The following ZNF197 variants were observed in gnomAD, a reference collection of about 807,000 sequenced individuals.
ZNF197 encodes the protein zinc finger protein 197.
In ZNF197, 14 loss-of-function variants were observed where a neutral mutation model predicts 27.4. That is an observed-to-expected ratio of 0.51 (90% CI 0.34 to 0.80). ZNF197 has a LOEUF of 0.80. ZNF197 is among the 30% of genes least tolerant of loss of function. ZNF197 has a pLI of 0.02. For synonymous variants in ZNF197, 415 were observed against 420.0 expected (o/e 0.99, Z 0.15); for missense variants, 1,090 against 1,222.6 (o/e 0.89, Z 1.62).
chr3:44,647,653 CAAAT>C lies in ZNF197; in HGVS notation c.*3438_*3441del, dbSNP rs1214884335. The C allele has an allele frequency of 3.9e-5, 6 of 152,112 alleles. No homozygotes were observed. Among genetic ancestry groups the C allele is most frequent in the Admixed American group, 2.6e-4 (4 of 15,290 alleles). 9.4% of individuals were successfully genotyped at this position (152,112 alleles called of 1,614,324 possible). ...TGACTTATTGATATCCATAACAACT[CAAAT>C]AAATTTCAAGGGAATTAATGCTGAG... On this transcript the variant is annotated 3_prime_UTR_variant, in exon 6 of 6. Coordinates refer to ENST00000344387, the MANE Select transcript of ZNF197 (RefSeq NM_006991.5).
chr3:44,644,433 T>G lies in ZNF197; in HGVS notation c.*213T>G. 1 of 1,181,190 alleles carries G rather than the reference T, an allele frequency of 8.5e-7. No individual in the cohort carries two copies. Among genetic ancestry groups the G allele is most frequent in the Non-Finnish European group, 1.1e-6 (1 of 925,868 alleles). The allele number at this position is 1,181,190 out of a possible 1,614,324, so 73.2% of individuals were successfully genotyped here. A position where few individuals can be genotyped will look rare whatever the true frequency, so the allele number is the denominator to read the frequency against. ...GCGAGTGGATCACCTGAGGTCAGGATTTTGAGACCAGCCTGACCAACATGG... is the reference window on the plus strand; with the variant it reads ...GCGAGTGGATCACCTGAGGTCAGGAGTTTGAGACCAGCCTGACCAACATGG... On this transcript the variant is annotated 3_prime_UTR_variant, in exon 6 of 6. Coordinates refer to ENST00000344387, the MANE Select transcript of ZNF197 (RefSeq NM_006991.5).
At position 44,632,512 on chromosome 3, in the gene ZNF197, T is replaced by C. The variant is rs1702071207; in HGVS notation, c.682T>C (p.Ser228Pro). 1 of 1,609,462 alleles carries C rather than the reference T, an allele frequency of 6.2e-7. No homozygotes were observed. Among genetic ancestry groups the C allele is most frequent in the Non-Finnish European group, 8.5e-7 (1 of 1,178,392 alleles). Residue 228 changes from serine to proline, a missense_variant, in exon 5 of 6, where the codon TCA (serine) becomes CCA (proline). Ser to Pro is a moderately conservative substitution (Grantham distance 74). Transcript: ENST00000344387. ...MFEEVSVCFT[S>P]EEWACLGPIQ... ...CGAGGAGGTGTCAGTATGCTTCACT[T>C]CAGAGGAATGGGCATGTCTGGGCCC... is the stretch of plus-strand genomic sequence containing the variant.
At chr3:44,639,567 C>G (rs12715403) in intron 5 of ZNF197, among the ~76,000 whole-genome samples, 44,513 of 150,834 alleles carry the variant, frequency 0.3, 7,100 homozygotes, top group African/African-American at 0.34. Context: ...GTAATTTGTG[C>G]CTTTCTAGGA....
rs564913345 is a variant in ZNF197 at position 44,646,722 on chromosome 3, A to C, written c.*2502A>C. The C allele has an allele frequency of 4.0e-5, 21 of 522,140 alleles. 1 individual carries two copies. Among genetic ancestry groups the C allele is most frequent in the African/African-American group, 1.7e-4 (9 of 51,584 alleles). The allele number at this position is 522,140 out of a possible 1,614,324, so 32.3% of individuals were successfully genotyped here. A position where few individuals can be genotyped will look rare whatever the true frequency, so the allele number is the denominator to read the frequency against. ...GAAAATTTCGATATGAAAGGTATAAAACATGGATGAGGAGGCTTGTTTTTA... is the reference window on the plus strand; with the variant it reads ...GAAAATTTCGATATGAAAGGTATAACACATGGATGAGGAGGCTTGTTTTTA... On this transcript the variant is annotated 3_prime_UTR_variant, in exon 6 of 6. Coordinates refer to ENST00000344387, the MANE Select transcript of ZNF197 (RefSeq NM_006991.5).
Position 44,648,398 on chromosome 3 carries a change from G to A in ZNF197, c.*4178G>A, listed in dbSNP as rs1480230307. On this transcript the variant is annotated 3_prime_UTR_variant, in exon 6 of 6. Transcript: ENST00000344387. ...TTGTTGAGTCCACATGGAAAATACG[G>A]GTATTCAATGTGCCATACTTTCAAC... The A allele has an allele frequency of 1.3e-5, 2 of 152,192 alleles. No homozygotes were observed. The highest frequency in any genetic ancestry group is 4.8e-5 in the African/African-American group (2 of 41,442). The allele number at this position is 152,192 out of a possible 1,614,324, so 9.4% of individuals were successfully genotyped here.
intron 1 of ZNF197, among the ~76,000 whole-genome samples, chr3:44,627,822 C>T (rs920339627): frequency 3.4e-5 from 5 of 145,154 alleles, no homozygotes; most frequent in Admixed American, 6.9e-5. Context: ...CAGAGCGAGA[C>T]TCCATCTCAA....
At position 44,645,519 on chromosome 3, in the gene ZNF197, G is replaced by A. The variant is rs1702906487; in HGVS notation, c.*1299G>A. The A allele has an allele frequency of 1.4e-5, 14 of 985,290 alleles. No homozygotes were observed. Among genetic ancestry groups the A allele is most frequent in the Non-Finnish European group, 1.7e-5 (14 of 829,916 alleles). 61.0% of individuals were successfully genotyped at this position (985,290 alleles called of 1,614,324 possible). On this transcript the variant is annotated 3_prime_UTR_variant, in exon 6 of 6. Coordinates refer to ENST00000344387, the MANE Select transcript of ZNF197 (RefSeq NM_006991.5). ...GTTATGGCCAGCCATTAACAGTGAT[G>A]CCAAGGAAAACAATTTATTTCCCAG...
chr3:44,631,175 T>C lies in ZNF197; in HGVS notation c.504T>C (p.His168=). The change falls in exon 3 of 6, where the codon CAT becomes CAC. Residue 168 remains histidine, a synonymous_variant. Transcript: ENST00000344387. The stretch of plus-strand genomic sequence containing the variant: ...ACATAGCAGCTGAAATTTGCCCGCA[T>C]CCTCCTACTGACCTAGTGGCATTCA... ...GSHIAAEICP[H]PPTDLVAFNL... is the part of the protein sequence containing the mutation. 6.2e-7 allele frequency: 1 copy of C among 1,614,150 alleles called. No homozygotes were observed. The highest frequency in any genetic ancestry group is 8.5e-7 in the Non-Finnish European group (1 of 1,180,024).
At position 44,646,217 on chromosome 3, in the gene ZNF197, A is replaced by C; in HGVS notation, c.*1997A>C. On this transcript the variant is annotated 3_prime_UTR_variant, in exon 6 of 6. Coordinates refer to ENST00000344387, the MANE Select transcript of ZNF197 (RefSeq NM_006991.5). ...GCCTTGAATTCCTCATCTGTTAAACAGGAGGAAGAATATCTACCTCACAAA... is the reference window on the plus strand; with the variant it reads ...GCCTTGAATTCCTCATCTGTTAAACCGGAGGAAGAATATCTACCTCACAAA... The C allele has an allele frequency of 1.0e-6, 1 of 979,718 alleles. No individual in the cohort carries two copies. Among genetic ancestry groups the C allele is most frequent in the Non-Finnish European group, 1.2e-6 (1 of 824,720 alleles). 60.7% of individuals were successfully genotyped at this position (979,718 alleles called of 1,614,324 possible).
Position 44,646,697 on chromosome 3 carries a change from G to C in ZNF197, c.*2477G>C. 1.8e-6 allele frequency: 1 copy of C among 554,160 alleles called. No homozygotes were observed. Among genetic ancestry groups the C allele is most frequent in the Non-Finnish European group, 3.2e-6 (1 of 310,042 alleles). 34.3% of individuals were successfully genotyped at this position (554,160 alleles called of 1,614,324 possible). On this transcript the variant is annotated 3_prime_UTR_variant, in exon 6 of 6. Coordinates refer to ENST00000344387, the MANE Select transcript of ZNF197 (RefSeq NM_006991.5). ...CCATTCTCTGCTTTTGTGTATGTATGAAAATTTCGATATGAAAGGTATAAA... is the reference window on the plus strand; with the variant it reads ...CCATTCTCTGCTTTTGTGTATGTATCAAAATTTCGATATGAAAGGTATAAA...
rs148898422 is a variant in ZNF197 at position 44,644,305 on chromosome 3, T to A, written c.*85T>A. On this transcript the variant is annotated 3_prime_UTR_variant, in exon 6 of 6. Coordinates refer to ENST00000344387, the MANE Select transcript of ZNF197 (RefSeq NM_006991.5). ...ATATATTTCTTCTAAGGAAAAAGTTTATTATTTACTCTTTACTAGACAAAT... is the reference window on the plus strand; with the variant it reads ...ATATATTTCTTCTAAGGAAAAAGTTAATTATTTACTCTTTACTAGACAAAT... The A allele has an allele frequency of 2.2e-4, 320 of 1,486,234 alleles. 1 individual carries two copies. In the African/African-American group the frequency reaches 3.7e-3, roughly 17 times the overall value. 92.1% of individuals were successfully genotyped at this position (1,486,234 alleles called of 1,614,324 possible).
intron 5 of ZNF197, 72 bp downstream of exon 5, chr3:44,632,671 AG>A: frequency 2.2e-6 from 3 of 1,369,330 alleles, no homozygotes; most frequent in Non-Finnish European, 2.9e-6. Context: ...TTATAAAAGT[AG>A]CATATATGTA....
At chr3:44,631,536 G>A (rs1044714805) in intron 3 of ZNF197, among the ~76,000 whole-genome samples, 1 of 151,730 alleles carries the variant, frequency 6.6e-6, no homozygotes, top group East Asian at 1.9e-4. Context: ...GAGTAGCTGG[G>A]ACTACAGGTG....
At position 44,644,084 on chromosome 3, in the gene ZNF197, C is replaced by T. The variant is rs756675123; in HGVS notation, c.2954C>T (p.Pro985Leu). 6.2e-7 allele frequency: 1 copy of T among 1,614,026 alleles called. No individual in the cohort carries two copies. Among genetic ancestry groups the T allele is most frequent in the South Asian group, 1.1e-5 (1 of 91,066 alleles). Residue 985 changes from proline to leucine, a missense_variant, in exon 6 of 6, where the codon CCT (proline) becomes CTT (leucine). Physicochemically the swap from Pro to Leu is moderately conservative, Grantham distance 98 (BLOSUM62 -3). Transcript: ENST00000344387. Reference sequence around the variant, plus strand: ...CAGAAAATCCACACAGATGAAAAACCTTGTGAATGTGATGTGTCTGAAAAA... The same window carrying T: ...CAGAAAATCCACACAGATGAAAAACTTTGTGAATGTGATGTGTCTGAAAAA... ...VHQKIHTDEK[P>L]CECDVSEKEF... is the part of the protein sequence containing the mutation.
chr3:44,647,137 A>G lies in ZNF197; in HGVS notation c.*2917A>G, dbSNP rs1164996856. 6.6e-6 allele frequency: 1 copy of G among 152,252 alleles called. No individual in the cohort carries two copies. Among genetic ancestry groups the G allele is most frequent in the East Asian group, 1.9e-4 (1 of 5,204 alleles). 9.4% of individuals were successfully genotyped at this position (152,252 alleles called of 1,614,324 possible). ...AAAGAACTTTCCAAATTTAACAGTAATAAGTAAATACAATTAGAAAATAAG... is the reference window on the plus strand; with the variant it reads ...AAAGAACTTTCCAAATTTAACAGTAGTAAGTAAATACAATTAGAAAATAAG... On this transcript the variant is annotated 3_prime_UTR_variant, in exon 6 of 6. Transcript: ENST00000344387.
At chr3:44,636,511 C>G (rs779212285) in intron 5 of ZNF197, among the ~76,000 whole-genome samples, 3 of 152,138 alleles carry the variant, frequency 2.0e-5, no homozygotes, top group Non-Finnish European at 2.9e-5. Flanking sequence ...GCTTCTTTTA[C>G]TTAGCATAGT....
intron 5 of ZNF197, among the ~76,000 whole-genome samples, chr3:44,641,441 T>C (rs1488860535): frequency 1.3e-5 from 2 of 152,224 alleles, no homozygotes; most frequent in African/African-American, 4.8e-5. Context: ...CTTTGACTTT[T>C]CAAAAATTAA....
Position 44,647,815 on chromosome 3 carries a change from G to C in ZNF197, c.*3595G>C, listed in dbSNP as rs1243474000. On this transcript the variant is annotated 3_prime_UTR_variant, in exon 6 of 6. Transcript: ENST00000344387. ...GGGATGGTGGGAGGAAAAATGGGGAGAGGGTTGGATGGAACTATTAAAAGG... is the reference window on the plus strand; with the variant it reads ...GGGATGGTGGGAGGAAAAATGGGGACAGGGTTGGATGGAACTATTAAAAGG... 2 of 152,188 alleles carry C rather than the reference G, an allele frequency of 1.3e-5. No individual in the cohort carries two copies. Among genetic ancestry groups the C allele is most frequent in the Non-Finnish European group, 2.9e-5 (2 of 68,024 alleles). 9.4% of individuals were successfully genotyped at this position (152,188 alleles called of 1,614,324 possible). A position where few individuals can be genotyped will look rare whatever the true frequency, so the allele number is the denominator to read the frequency against.
At chr3:44,634,729 C>T (rs1365913962) in intron 5 of ZNF197, among the ~76,000 whole-genome samples, 4 of 152,184 alleles carry the variant, frequency 2.6e-5, no homozygotes, top group South Asian at 2.1e-4. Context: ...GGATTATAGG[C>T]GTGAGCCACC....
Sources: gnomAD v4.1 joint callset for allele counts (sites outside exome capture counted in the v4.1 genomes callset) on GRCh38, gnomAD v4.1.1 for gene constraint, MANE v1.5 for transcripts, NCBI Gene and HGNC (gene_info 2026-07-23, HGNC 2026-07-21) for gene names.